USH2A: variants seen among roughly 807,000 people sequenced by gnomAD.
The protein encoded by USH2A is usherin.
Under a neutral mutation model 538.9 loss-of-function variants are expected in USH2A, and 443 were observed. That is an observed-to-expected ratio of 0.82 (90% CI 0.76 to 0.89). The LOEUF (loss-of-function observed/expected upper bound fraction) is 0.89, where lower values mean the gene tolerates loss of function less well. USH2A is among the 40% of genes least tolerant of loss of function. The pLI, the probability that USH2A is intolerant of heterozygous loss-of-function variation, is 0.00. For synonymous variants in USH2A, 2,413 were observed against 2,273.5 expected (o/e 1.06, Z -1.75); for missense variants, 6,633 against 6,324.8 (o/e 1.05, Z -1.65).
intron 36 of USH2A, among the ~76,000 whole-genome samples, chr1:215,965,760 A>C (rs1667327330): frequency 6.6e-6 from 1 of 151,988 alleles, no homozygotes; most frequent in Admixed American, 6.6e-5. Context: ...ATGGCTGTAC[A>C]TATCCATAGA....
chr1:216,268,868 A>T (rs2036524568), intron 11 of USH2A, among the ~76,000 whole-genome samples: 1 of 152,036 alleles, frequency 6.6e-6, no homozygotes, highest in South Asian at 2.1e-4. Flanking sequence ...CAAAACTGCA[A>T]TTCCTTTCCT....
intron 19 of USH2A, among the ~76,000 whole-genome samples, chr1:216,191,883 A>C (rs1447822231): frequency 6.6e-6 from 1 of 151,110 alleles, no homozygotes; most frequent in Non-Finnish European, 1.5e-5. Flanking sequence ...TAAAATAAGA[A>C]AGAAGAAATC....
intron 70 of USH2A, among the ~76,000 whole-genome samples, chr1:215,633,718 T>C (rs1656385998): frequency 6.6e-6 from 1 of 152,274 alleles, no homozygotes; most frequent in Admixed American, 6.5e-5. Context: ...AACAGATGGG[T>C]ACCTGATGAG....
At chr1:216,022,358 C>T (rs983965242) in intron 32 of USH2A, among the ~76,000 whole-genome samples, 3 of 152,086 alleles carry the variant, frequency 2.0e-5, no homozygotes, top group African/African-American at 7.2e-5. Flanking sequence ...GTGCTGTTAA[C>T]TCAGATATCT....
At chr1:215,643,122 A>G (rs929397441) in intron 67 of USH2A, among the ~76,000 whole-genome samples, 1 of 152,102 alleles carries the variant, frequency 6.6e-6, no homozygotes, top group Non-Finnish European at 1.5e-5. Context: ...CGGCCTCCCA[A>G]GTAGCTGAGA....
chr1:216,117,239 C>T (rs1424614387), intron 21 of USH2A, among the ~76,000 whole-genome samples: 2 of 152,154 alleles, frequency 1.3e-5, no homozygotes, highest in East Asian at 3.9e-4. Flanking sequence ...CAAGGAATAC[C>T]TAAACTATCA....
rs895943269 is a variant in USH2A at position 216,083,327 on chromosome 1, G to A, written c.5298+129C>T. On this transcript the variant is annotated intron_variant, in intron 26 of 71. Coordinates refer to ENST00000307340, the MANE Select transcript of USH2A (RefSeq NM_206933.4). ...CAGGACTTCAAAACTAAAAATGACT[G>A]GGAAAAAAAATGAACAAATGTGAAT... is the stretch of plus-strand genomic sequence containing the variant. 25 of 1,090,172 alleles carry A rather than the reference G, an allele frequency of 2.3e-5. No homozygotes were observed. The East Asian group carries it at 6.0e-4, about 26-fold the overall frequency. The allele number at this position is 1,090,172 out of a possible 1,614,324, so 67.5% of individuals were successfully genotyped here.
intron 61 of USH2A, 102 bp from the exon 62 acceptor site, chr1:215,680,478 A>T (rs1192458182): frequency 8.9e-7 from 1 of 1,128,894 alleles, no homozygotes; most frequent in East Asian, 2.3e-5. Context: ...GCTTGTAGGC[A>T]ACAGCAGCGC....
chr1:215,975,836 T>C (rs1667606995), intron 35 of USH2A, among the ~76,000 whole-genome samples: 1 of 152,306 alleles, frequency 6.6e-6, no homozygotes, highest in Non-Finnish European at 1.5e-5. Flanking sequence ...TAGAATAGCT[T>C]TTTCCTAATT....
At chr1:216,121,411 CT>C (rs35919271) in intron 21 of USH2A, among the ~76,000 whole-genome samples, 5 of 151,472 alleles carry the variant, frequency 3.3e-5, no homozygotes, top group African/African-American at 1.2e-4. Flanking sequence ...TGGTTTTTTT[CT>C]TTTTTTTAAA....
intron 32 of USH2A, among the ~76,000 whole-genome samples, chr1:216,023,469 A>AAAAAAAAAAAAAAAAAAAAAAAAT (rs1668890520): frequency 6.7e-6 from 1 of 148,166 alleles, no homozygotes; most frequent in Non-Finnish European, 1.5e-5. Flanking sequence ...CAAAAAAAAA[A>AAAAAAAAAAAAAAAAAAAAAAAAT]AAAAAAAAAA....
chr1:216,246,565 G>GT lies in USH2A; in HGVS notation c.2809+19dup. 1 of 1,613,976 alleles carries GT rather than the reference G, an allele frequency of 6.2e-7. No individual in the cohort carries two copies. Among genetic ancestry groups the GT allele is most frequent in the Non-Finnish European group, 8.5e-7 (1 of 1,179,876 alleles). Reference sequence around the variant, plus strand: ...AGGAATGTCATTGTGCACTGAAAATGTAATACATTTCTTTCTTACCTGGTT... The same window carrying GT: ...AGGAATGTCATTGTGCACTGAAAATGTTAATACATTTCTTTCTTACCTGGTT... On this transcript the variant is annotated intron_variant, in intron 13 of 71. Transcript: ENST00000307340.
intron 70 of USH2A, 43 bp downstream of exon 70, chr1:215,634,416 A>G: frequency 6.2e-7 from 1 of 1,613,832 alleles, no homozygotes; most frequent in Non-Finnish European, 8.5e-7. Context: ...CAAGTATTCT[A>G]GTCCAGTGAT....
chr1:216,014,636 A>T (rs1483005582), intron 32 of USH2A, among the ~76,000 whole-genome samples: 1 of 152,206 alleles, frequency 6.6e-6, no homozygotes, highest in Non-Finnish European at 1.5e-5. Context: ...CATTTGCTTG[A>T]TTGCATCATT....
At chr1:216,067,642 G>T (rs529165153) in intron 30 of USH2A, among the ~76,000 whole-genome samples, 1 of 152,282 alleles carries the variant, frequency 6.6e-6, no homozygotes, top group African/African-American at 2.4e-5. Context: ...TGACAACTGT[G>T]GATATGAGGT....
chr1:215,845,949 G>T lies in USH2A; in HGVS notation c.8930C>A (p.Pro2977Gln). ...ATSNDSLKIL[P>Q]DVNSHVIGHL... The stretch of plus-strand genomic sequence containing the variant: ...GCCAATGACATGAGAGTTTACATCT[G>T]GCAAGATTTTTAGAGAGTCGTTTGA... Residue 2977 changes from proline to glutamine, a missense_variant, in exon 45 of 72, where the codon CCA becomes CAA. Transcript: ENST00000307340. 2.5e-6 allele frequency: 4 copies of T among 1,613,858 alleles called. No homozygotes were observed. The highest frequency in any genetic ancestry group is 3.4e-6 in the Non-Finnish European group (4 of 1,179,930).
intron 20 of USH2A, among the ~76,000 whole-genome samples, chr1:216,182,926 A>G (rs2034522096): frequency 6.6e-6 from 1 of 152,116 alleles, no homozygotes; most frequent in African/African-American, 2.4e-5. Flanking sequence ...TTCTTCAAGA[A>G]TGACTTGGAA....
At chr1:215,998,074 T>G (rs1268012704) in intron 34 of USH2A, among the ~76,000 whole-genome samples, 1 of 152,042 alleles carries the variant, frequency 6.6e-6, no homozygotes, top group Admixed American at 6.6e-5. Context: ...AAATGTAAAT[T>G]TATTCATAAT....
intron 9 of USH2A, among the ~76,000 whole-genome samples, chr1:216,312,927 A>G (rs539552760): frequency 2.1e-4 from 32 of 152,282 alleles, no homozygotes; most frequent in African/African-American, 7.0e-4. Flanking sequence ...GAACTCTGGC[A>G]AACAGGCCTT....
Sources: gnomAD v4.1 joint callset for allele counts (sites outside exome capture counted in the v4.1 genomes callset) on GRCh38, gnomAD v4.1.1 for gene constraint, MANE v1.5 for transcripts, NCBI Gene and HGNC (gene_info 2026-07-23, HGNC 2026-07-21) for gene names.